Variants in LETM1 observed in about 807,000 individuals in gnomAD.
The protein encoded by LETM1 is leucine zipper and EF-hand containing transmembrane protein 1.
Under a neutral mutation model 74.5 loss-of-function variants are expected in LETM1, and 50 were observed. The observed-to-expected ratio is 0.67, with a 90% CI of 0.53 to 0.85. LETM1 has a LOEUF of 0.85. LETM1 is among the 40% of genes least tolerant of loss of function. The probability of loss-of-function intolerance (pLI) is 0.00; values close to 1 mark genes in which losing one functional copy is unlikely to be tolerated. For missense variants in LETM1, 824 were observed against 967.8 expected, an observed-to-expected ratio of 0.85 and a Z score of 1.97; for synonymous variants, 446 against 407.1, an observed-to-expected ratio of 1.10 and a Z score of -1.15.
Position 1,814,237 on chromosome 4 carries a change from C to T in LETM1, c.*187G>A, listed in dbSNP as rs1416356353. 21 of 962,456 alleles carry T rather than the reference C, an allele frequency of 2.2e-5. No individual in the cohort carries two copies. The highest frequency in any genetic ancestry group is 2.8e-5 in the Non-Finnish European group (18 of 647,432). 59.6% of individuals were successfully genotyped at this position (962,456 alleles called of 1,614,324 possible). On this transcript the variant is annotated 3_prime_UTR_variant, in exon 14 of 14. Transcript: ENST00000302787. ...CAGACACGATTCTGTGGAGGGGTTC[C>T]GGGATTCCAGACAGACTGAATCTCC...
In LETM1 at chr4:1,813,248, GA is replaced by G. The variant is rs1410302642; in HGVS notation, c.*1175del. The G allele has an allele frequency of 3.9e-5, 6 of 152,390 alleles. No homozygotes were observed. Among genetic ancestry groups the G allele is most frequent in the African/African-American group, 1.4e-4 (6 of 41,450 alleles). The allele number at this position is 152,390 out of a possible 1,614,324, so 9.4% of individuals were successfully genotyped here. A position where few individuals can be genotyped will look rare whatever the true frequency, so the allele number is the denominator to read the frequency against. ...TTGTCTGAGTGCAGCTGCTTTCCTG[GA>G]CGCCTGTGCCGTTCCTGTCTTCCAA... On this transcript the variant is annotated 3_prime_UTR_variant, in exon 14 of 14. Transcript: ENST00000302787.
chr4:1,814,684 C>A (rs1303800921), intron 13 of LETM1, 111 bp from the exon 14 acceptor site: 1 of 859,388 alleles, frequency 1.2e-6, no homozygotes, highest in Non-Finnish European at 1.9e-6. Context: ...GCAGCATGCA[C>A]GCAATCACTG....
At chr4:1,850,260 G>GTCTCTGCCCAGTTA (rs1167154359) in intron 1 of LETM1, among the ~76,000 whole-genome samples, 1 of 152,186 alleles carries the variant, frequency 6.6e-6, no homozygotes, top group African/African-American at 2.4e-5. Flanking sequence ...GCACTGCTAA[G>GTCTCTGCCCAGTTA]TGAAGGGTCT....
At position 1,843,504 on chromosome 4, in the gene LETM1, G is replaced by A. The variant is rs1712777107; in HGVS notation, c.144-1707C>T. 2.0e-5 allele frequency among the ~76,000 whole-genome samples: 3 copies of A among 152,248 alleles called. No homozygotes were observed. The South Asian group carries it at 6.2e-4, about 31-fold the overall frequency. The stretch of plus-strand genomic sequence containing the variant: ...GCAGCAGGGGCTCCACTCTGCACCA[G>A]TAATGGTCTGGGGACCTCCCCCAAA... On this transcript the variant is annotated intron_variant, in intron 2 of 13. Transcript: ENST00000302787.
At chr4:1,821,740 C>T (rs955023989) in intron 10 of LETM1, among the ~76,000 whole-genome samples, 3 of 152,152 alleles carry the variant, frequency 2.0e-5, no homozygotes, top group African/African-American at 7.2e-5. Context: ...CTCACAGGCT[C>T]GCATGGGGAG....
At chr4:1,851,429 C>T (rs1273958099) in intron 1 of LETM1, among the ~76,000 whole-genome samples, 3 of 152,048 alleles carry the variant, frequency 2.0e-5, no homozygotes, top group Admixed American at 6.6e-5. Flanking sequence ...CCTAGTGGAC[C>T]GATACGTCAC....
intron 1 of LETM1, among the ~76,000 whole-genome samples, chr4:1,854,654 G>A (rs185656073): frequency 4.6e-5 from 7 of 151,956 alleles, no homozygotes; most frequent in East Asian, 3.9e-4. Context: ...TTAGCCAGTC[G>A]TGATGGCGGG....
At chr4:1,821,144 GACAGAGTCTC>G (rs1391690660) in intron 10 of LETM1, among the ~76,000 whole-genome samples, 1 of 141,522 alleles carries the variant, frequency 7.1e-6, no homozygotes, top group African/African-American at 2.6e-5. Context: ...TTTTTTTTGA[GACAGAGTCTC>G]ACTCTGTCAC....
intron 3 of LETM1, chr4:1,839,459 T>A (rs911520756): frequency 6.6e-6 from 1 of 151,530 alleles, no homozygotes; most frequent in Non-Finnish European, 1.5e-5. Flanking sequence ...GCATCGAGAG[T>A]GGGTGGAGCT....
At chr4:1,829,184 CT>C (rs1712161892) in intron 6 of LETM1, among the ~76,000 whole-genome samples, 1 of 138,100 alleles carries the variant, frequency 7.2e-6, no homozygotes, top group Admixed American at 6.9e-5. Context: ...CCCCCCCCAC[CT>C]CCCTCCCGGA....
At chr4:1,850,504 G>C (rs995067588) in intron 1 of LETM1, among the ~76,000 whole-genome samples, 3 of 151,938 alleles carry the variant, frequency 2.0e-5, no homozygotes, top group African/African-American at 7.3e-5. Context: ...AGAGCTGTAA[G>C]AATTACTACA....
At chr4:1,822,342 C>T (rs768484523) in intron 9 of LETM1, 30 bp from the exon 10 acceptor site, 1 of 1,441,008 alleles carries the variant, frequency 6.9e-7, no homozygotes, top group Non-Finnish European at 9.2e-7. Context: ...CAGCCCAGCG[C>T]CCGCCATCAC....
intron 1 of LETM1, among the ~76,000 whole-genome samples, chr4:1,850,236 T>G (rs990632586): frequency 3.3e-5 from 5 of 152,148 alleles, no homozygotes; most frequent in African/African-American, 1.2e-4. Context: ...TTCTGAGTGT[T>G]GGAAGGTTTC....
chr4:1,846,005 G>A (rs1230364036), intron 2 of LETM1, among the ~76,000 whole-genome samples: 4 of 149,504 alleles, frequency 2.7e-5, no homozygotes, highest in Non-Finnish European at 5.9e-5. Flanking sequence ...CTACAGGCGC[G>A]CACCATCACA....
At chr4:1,852,720 G>C (rs549526444) in intron 1 of LETM1, among the ~76,000 whole-genome samples, 3 of 152,304 alleles carry the variant, frequency 2.0e-5, no homozygotes, top group East Asian at 3.9e-4. Flanking sequence ...AGTTAAGCCT[G>C]AGCAACAGAG....
chr4:1,819,513 G>T (rs747163671), intron 10 of LETM1, 41 bp from the exon 11 acceptor site: 4 of 1,591,330 alleles, frequency 2.5e-6, no homozygotes, highest in East Asian at 4.5e-5. Flanking sequence ...TGAGCCAAGG[G>T]AAAGAACTGG....
intron 7 of LETM1, among the ~76,000 whole-genome samples, chr4:1,824,740 G>C (rs1711924310): frequency 6.6e-6 from 1 of 152,226 alleles, no homozygotes; most frequent in Admixed American, 6.5e-5. Flanking sequence ...AGACACCCCT[G>C]TGTGTGTGGC....
At chr4:1,828,816 C>A (rs1302147267) in intron 6 of LETM1, among the ~76,000 whole-genome samples, 2 of 85,020 alleles carry the variant, frequency 2.4e-5, no homozygotes, top group Admixed American at 1.1e-4. Context: ...GGGGGGCTGA[C>A]CCCCCCCACC....
intron 1 of LETM1, among the ~76,000 whole-genome samples, chr4:1,851,103 G>A (rs1404501216): frequency 4.6e-5 from 7 of 152,126 alleles, no homozygotes; most frequent in African/African-American, 9.7e-5. Context: ...GAGTTCATTC[G>A]TATTACTGAC....
Sources: gnomAD v4.1 joint callset for allele counts (sites outside exome capture counted in the v4.1 genomes callset) on GRCh38, gnomAD v4.1.1 for gene constraint, MANE v1.5 for transcripts, NCBI Gene and HGNC (gene_info 2026-07-23, HGNC 2026-07-21) for gene names.